The following PSD3 variants were observed in gnomAD, a reference collection of about 807,000 sequenced individuals.
PSD3 encodes pleckstrin and Sec7 domain containing 3.
Under a neutral mutation model 105.5 loss-of-function variants are expected in PSD3, and 49 were observed. That is an observed-to-expected ratio of 0.46 (90% confidence interval 0.37 to 0.59). PSD3 has a LOEUF of 0.59. Ranked by LOEUF, PSD3 falls within the 20% of genes least tolerant of loss-of-function variation. The pLI is 0.00. For missense variants in PSD3, 1,561 were observed against 1,263.8 expected (o/e 1.24, Z -3.57); for synonymous variants, 557 against 457.8 (o/e 1.22, Z -2.77).
intron 1 of PSD3, among the ~76,000 whole-genome samples, chr8:18,946,650 A>G (rs1822871610): frequency 6.6e-6 from 1 of 151,940 alleles, no homozygotes; most frequent in African/African-American, 2.4e-5. Context: ...CTGTAATCCT[A>G]GCATTTTGGG....
intron 9 of PSD3, among the ~76,000 whole-genome samples, chr8:18,692,598 G>C (rs925149832): frequency 6.6e-6 from 1 of 152,172 alleles, no homozygotes; most frequent in Non-Finnish European, 1.5e-5. Context: ...AGGATGATGA[G>C]AGGCTTTTTT....
In PSD3 at chr8:18,535,384, T is replaced by C. The variant is rs1799796141; in HGVS notation, c.*359A>G. On this transcript the variant is annotated 3_prime_UTR_variant, in exon 16 of 16. Transcript: ENST00000327040. The stretch of plus-strand genomic sequence containing the variant: ...GTTAAGTGTTTCACAATGGATTAAA[T>C]TCTTTAACCTTAAAAAAAAGTTTAA... 4.6e-6 allele frequency: 1 copy of C among 219,454 alleles called. No homozygotes were observed. Among genetic ancestry groups the C allele is most frequent in the Non-Finnish European group, 9.2e-6 (1 of 108,286 alleles). The allele number at this position is 219,454 out of a possible 1,614,324, so 13.6% of individuals were successfully genotyped here. A position where few individuals can be genotyped will look rare whatever the true frequency, so the allele number is the denominator to read the frequency against.
At chr8:18,784,062 A>G (rs966158863) in intron 8 of PSD3, among the ~76,000 whole-genome samples, 3 of 152,194 alleles carry the variant, frequency 2.0e-5, no homozygotes, top group Non-Finnish European at 2.9e-5. Flanking sequence ...TATTATGTCC[A>G]GAAACATGTT....
intron 1 of PSD3, among the ~76,000 whole-genome samples, chr8:18,943,511 G>A (rs934297345): frequency 8.5e-5 from 13 of 152,098 alleles, no homozygotes; most frequent in Non-Finnish European, 1.9e-4. Context: ...AAAACCTGGA[G>A]AAGGAAAAGA....
intron 4 of PSD3, among the ~76,000 whole-genome samples, chr8:18,837,788 A>G (rs1397265073): frequency 1.3e-5 from 2 of 152,144 alleles, no homozygotes; most frequent in Non-Finnish European, 2.9e-5. Context: ...ATTTAATTAA[A>G]ATTTAAACAT....
intron 1 of PSD3, among the ~76,000 whole-genome samples, chr8:19,054,473 G>C (rs1413710738): frequency 6.6e-6 from 1 of 152,120 alleles, no homozygotes; most frequent in Non-Finnish European, 1.5e-5. Flanking sequence ...AGGAAAGGAG[G>C]AAGGGAAGGA....
At position 18,626,303 on chromosome 8, in the gene PSD3, G is replaced by C. The variant is rs11997007; in HGVS notation, c.2410+6310C>G. Among the ~76,000 whole-genome samples, 1,104 of 151,760 alleles carry C rather than the reference G, an allele frequency of 7.3e-3. 23 individuals carry two copies. The highest frequency in any genetic ancestry group is 0.025 in the African/African-American group (1,039 of 41,432). ...GAAATAAATGGTCCATTTGAGACAA[G>C]TGTATCAGCATTTAAAACAAAATAA... On this transcript the variant is annotated intron_variant, in intron 11 of 15. Coordinates refer to ENST00000327040, the MANE Select transcript of PSD3 (RefSeq NM_015310.4).
intron 8 of PSD3, among the ~76,000 whole-genome samples, chr8:18,787,686 T>C (rs2129445948): frequency 6.6e-6 from 1 of 152,304 alleles, no homozygotes; most frequent in Admixed American, 6.5e-5. Flanking sequence ...AATATTACCA[T>C]TTTCAAATGC....
At chr8:18,756,478 T>C (rs1806050918) in intron 9 of PSD3, among the ~76,000 whole-genome samples, 1 of 152,196 alleles carries the variant, frequency 6.6e-6, no homozygotes, top group Admixed American at 6.5e-5. Context: ...TACACTTCTT[T>C]GTCTAAACCA....
At chr8:18,935,959 G>T in intron 2 of PSD3, 75 bp downstream of exon 2, 1 of 901,512 alleles carries the variant, frequency 1.1e-6, no homozygotes, top group Non-Finnish European at 1.8e-6. Context: ...AAGTAATGCA[G>T]GTGGAGAAAA....
chr8:18,705,176 GT>G (rs1483633641), intron 9 of PSD3, among the ~76,000 whole-genome samples: 1 of 152,090 alleles, frequency 6.6e-6, no homozygotes, highest in East Asian at 1.9e-4. Flanking sequence ...ATGAAAAAAT[GT>G]TTAGTTGAAG....
chr8:18,610,621 T>C (rs1158831523), intron 11 of PSD3, among the ~76,000 whole-genome samples: 1 of 152,226 alleles, frequency 6.6e-6, no homozygotes, highest in Non-Finnish European at 1.5e-5. Flanking sequence ...ACAGAACCTA[T>C]ACCTATTGCT....
intron 9 of PSD3, among the ~76,000 whole-genome samples, chr8:18,702,095 A>G (rs570284035): frequency 6.6e-6 from 1 of 152,272 alleles, no homozygotes; most frequent in South Asian, 2.1e-4. Context: ...GACTTCAGAT[A>G]CTCCGACTGA....
intron 10 of PSD3, among the ~76,000 whole-genome samples, chr8:18,653,114 CT>C (rs1808634746): frequency 6.6e-6 from 1 of 152,070 alleles, no homozygotes; most frequent in Non-Finnish European, 1.5e-5. Flanking sequence ...CCCATAATCC[CT>C]TTGTTTTATA....
intron 2 of PSD3, among the ~76,000 whole-genome samples, chr8:18,927,919 G>A (rs1018422840): frequency 2.0e-5 from 3 of 152,178 alleles, no homozygotes; most frequent in African/African-American, 4.8e-5. Flanking sequence ...TTGTACAACT[G>A]TTGTGGAAAA....
At chr8:18,648,151 G>A (rs1808194295) in intron 10 of PSD3, among the ~76,000 whole-genome samples, 1 of 152,188 alleles carries the variant, frequency 6.6e-6, no homozygotes, top group Non-Finnish European at 1.5e-5. Flanking sequence ...TGAAAATGTA[G>A]CAGCAACTTT....
chr8:19,022,788 T>C (rs1827405146), intron 1 of PSD3, among the ~76,000 whole-genome samples: 1 of 151,754 alleles, frequency 6.6e-6, no homozygotes, highest in Admixed American at 6.6e-5. Context: ...CATGTTCTTC[T>C]CTCATTAGCA....
At chr8:18,896,390 C>G (rs1819149464) in intron 2 of PSD3, among the ~76,000 whole-genome samples, 1 of 152,064 alleles carries the variant, frequency 6.6e-6, no homozygotes, top group Non-Finnish European at 1.5e-5. Flanking sequence ...GAGCAACTTC[C>G]ATACTGTTTT....
Position 18,635,988 on chromosome 8 carries a change from C to T in PSD3, c.2217-3182G>A, listed in dbSNP as rs569996826. Among the ~76,000 whole-genome samples the T allele has an allele frequency of 3.3e-5, 5 of 152,222 alleles. 1 individual carries two copies. The highest frequency in any genetic ancestry group is 1.2e-4 in the African/African-American group (5 of 41,528). ...ATGGTTTGATAGGTGCAGCAAACCA[C>T]TGTGGCACATGTATACCTATGTAAC... is the stretch of plus-strand genomic sequence containing the variant. On this transcript the variant is annotated intron_variant, in intron 10 of 15. Transcript: ENST00000327040.
Sources: allele counts gnomAD v4.1 joint callset (sites outside exome capture counted in the v4.1 genomes callset), GRCh38; gene constraint gnomAD v4.1.1; transcripts MANE v1.5; gene names NCBI Gene and HGNC (gene_info 2026-07-23, HGNC 2026-07-21).